ATL2: variants seen among roughly 807,000 people sequenced by gnomAD.
The protein encoded by ATL2 is atlastin-2.
A neutral mutation model predicts 73.9 loss-of-function variants in ATL2; 31 were observed. That is an observed-to-expected ratio of 0.42 (90% confidence interval 0.32 to 0.57). ATL2 has a LOEUF of 0.57. ATL2 is among the 20% of genes least tolerant of loss of function. The pLI is 0.14. For missense variants in ATL2, 738 were observed against 702.6 expected (o/e 1.05, Z -0.57); for synonymous variants, 291 against 237.5 (o/e 1.23, Z -2.07).
At position 38,318,899 on chromosome 2, in the gene ATL2, G is replaced by A. The variant is rs749545280; in HGVS notation, c.484C>T (p.Pro162Ser). The stretch of plus-strand genomic sequence containing the variant: ...CAGAATTTTACTTTAGTTCCATTAG[G>A]TCTGTCAATCACAAATACTTCATTC... ...VWNEVFVIDR[P>S]NGTKVAVLLM... Residue 162 changes from proline (P) to serine (S), a missense_variant, in exon 3 of 13, where the codon CCT becomes TCT. Pro to Ser is a moderately conservative substitution (Grantham distance 74). Transcript: ENST00000378954. The A allele has an allele frequency of 5.0e-6, 8 of 1,612,982 alleles. No homozygotes were observed. Among genetic ancestry groups the A allele is most frequent in the African/African-American group, 2.7e-5 (2 of 74,858 alleles).
intron 2 of ATL2, 71 bp downstream of exon 2, chr2:38,343,197 G>C: frequency 3.5e-6 from 2 of 572,904 alleles, no homozygotes; most frequent in Non-Finnish European, 5.3e-6. Flanking sequence ...TCTGGTTTTT[G>C]TCTATTTTTT....
At chr2:38,325,892 T>C (rs1668628944) in intron 2 of ATL2, among the ~76,000 whole-genome samples, 1 of 120,744 alleles carries the variant, frequency 8.3e-6, no homozygotes, top group South Asian at 2.2e-4. Flanking sequence ...TAAGGTTTTG[T>C]TTGTTTGTTT....
At chr2:38,317,437 G>A (rs1176807264) in intron 4 of ATL2, among the ~76,000 whole-genome samples, 1 of 152,048 alleles carries the variant, frequency 6.6e-6, no homozygotes. Flanking sequence ...AAAAGAAATG[G>A]CCTAGCCTGA....
At chr2:38,331,997 A>T (rs1363177243) in intron 2 of ATL2, among the ~76,000 whole-genome samples, 1 of 152,192 alleles carries the variant, frequency 6.6e-6, no homozygotes, top group East Asian at 1.9e-4. Context: ...CAGCCATAAA[A>T]AGTACTGATA....
At chr2:38,344,968 G>A (rs17022593) in intron 1 of ATL2, among the ~76,000 whole-genome samples, 15,846 of 152,102 alleles carry the variant, frequency 0.1, 2,739 homozygotes, top group African/African-American at 0.36. Flanking sequence ...GAATAGTGAC[G>A]AAGAAGTACA....
At chr2:38,376,455 A>C (rs1455361155) in intron 1 of ATL2, 2 of 285,888 alleles carry the variant, frequency 7.0e-6, no homozygotes, top group East Asian at 6.0e-5. Context: ...AACGGCTCAT[A>C]ACCCCAGTTT....
chr2:38,319,380 C>CT (rs1238869572), intron 2 of ATL2, among the ~76,000 whole-genome samples: 1 of 152,160 alleles, frequency 6.6e-6, no homozygotes, highest in Non-Finnish European at 1.5e-5. Flanking sequence ...GGGCATATCA[C>CT]TTGAGGCCAG....
chr2:38,337,239 C>T (rs1023564050), intron 2 of ATL2, among the ~76,000 whole-genome samples: 3 of 151,766 alleles, frequency 2.0e-5, no homozygotes, highest in African/African-American at 4.8e-5. Context: ...AATCCCAACA[C>T]TTTGGGAGGC....
Position 38,306,595 on chromosome 2 carries a change from ATCAG to A in ATL2, c.1071+2780_1071+2783del, listed in dbSNP as rs1288090189. Among the ~76,000 whole-genome samples the A allele has an allele frequency of 4.4e-3, 676 of 152,296 alleles. 9 individuals carry two copies. The highest frequency in any genetic ancestry group is 0.015 in the African/African-American group (624 of 41,570). ...TCAACATACACCAATCAATCAATCAATCAGTCAGTCAATGAGTGTGATACATCGT... is the reference window on the plus strand; with the variant it reads ...TCAACATACACCAATCAATCAATCAATCAGTCAATGAGTGTGATACATCGT... On this transcript the variant is annotated intron_variant, in intron 9 of 12. Coordinates refer to ENST00000378954, the MANE Select transcript of ATL2 (RefSeq NM_001135673.4).
At chr2:38,318,144 A>G (rs1668123126) in intron 4 of ATL2, among the ~76,000 whole-genome samples, 2 of 152,084 alleles carry the variant, frequency 1.3e-5, no homozygotes, top group African/African-American at 4.8e-5. Flanking sequence ...TGGGCAACAT[A>G]GTGAGAATCC....
intron 9 of ATL2, among the ~76,000 whole-genome samples, chr2:38,301,737 T>C (rs1289264395): frequency 1.3e-5 from 2 of 152,166 alleles, no homozygotes; most frequent in East Asian, 3.9e-4. Flanking sequence ...CTGAATAAAC[T>C]TGAAAGGCCA....
chr2:38,315,436 G>A lies in ATL2; in HGVS notation c.604-102C>T, dbSNP rs1667980489. Reference sequence around the variant, plus strand: ...GGAAAAAAGGTTATTTTGTATCTCAGCGCAAAGGAATCATTTAACTACTAT... The same window carrying A: ...GGAAAAAAGGTTATTTTGTATCTCAACGCAAAGGAATCATTTAACTACTAT... On this transcript the variant is annotated intron_variant, in intron 4 of 12. Coordinates refer to ENST00000378954, the MANE Select transcript of ATL2 (RefSeq NM_001135673.4). The A allele has an allele frequency of 4.2e-6, 5 of 1,196,696 alleles. No homozygotes were observed. The South Asian group carries it at 7.9e-5, about 19-fold the overall frequency. 74.1% of individuals were successfully genotyped at this position (1,196,696 alleles called of 1,614,324 possible). A position where few individuals can be genotyped will look rare whatever the true frequency, so the allele number is the denominator to read the frequency against.
intron 2 of ATL2, among the ~76,000 whole-genome samples, chr2:38,327,763 C>T (rs909383506): frequency 6.6e-6 from 1 of 152,088 alleles, no homozygotes; most frequent in East Asian, 1.9e-4. Context: ...TGGGGAAACC[C>T]CGTCTCTATT....
intron 2 of ATL2, among the ~76,000 whole-genome samples, chr2:38,323,717 G>A (rs147534479): frequency 3.5e-4 from 53 of 152,176 alleles, no homozygotes; most frequent in East Asian, 1.4e-3. Flanking sequence ...GAAAGAAAAC[G>A]AGACAGACAG....
intron 2 of ATL2, among the ~76,000 whole-genome samples, chr2:38,334,927 T>A (rs1669259464): frequency 7.3e-6 from 1 of 137,110 alleles, no homozygotes; most frequent in Non-Finnish European, 1.5e-5. Context: ...TATATTTATA[T>A]ATTATAATAT....
chr2:38,315,837 C>T (rs971854698), intron 4 of ATL2, among the ~76,000 whole-genome samples: 1 of 152,140 alleles, frequency 6.6e-6, no homozygotes, highest in Non-Finnish European at 1.5e-5. Context: ...TACTCACACT[C>T]CTCAGTTTAC....
chr2:38,303,637 G>T (rs1224207014), intron 9 of ATL2, among the ~76,000 whole-genome samples: 1 of 152,110 alleles, frequency 6.6e-6, no homozygotes, highest in East Asian at 1.9e-4. Flanking sequence ...CCCCAAAAGG[G>T]CAAATCTAAG....
chr2:38,360,667 G>C (rs917563780), intron 1 of ATL2, among the ~76,000 whole-genome samples: 3 of 152,048 alleles, frequency 2.0e-5, no homozygotes, highest in African/African-American at 7.2e-5. Flanking sequence ...CTACAGAGAA[G>C]TCTTGAAGAA....
intron 1 of ATL2, among the ~76,000 whole-genome samples, chr2:38,344,416 C>CCTG (rs1194140435): frequency 6.6e-6 from 1 of 152,156 alleles, no homozygotes; most frequent in Admixed American, 6.5e-5. Context: ...TCAAGACCAG[C>CCTG]CTGACCAACA....
Sources: allele counts gnomAD v4.1 joint callset (sites outside exome capture counted in the v4.1 genomes callset), GRCh38; gene constraint gnomAD v4.1.1; transcripts MANE v1.5; gene names NCBI Gene and HGNC (gene_info 2026-07-23, HGNC 2026-07-21).